Variants in NALF1 observed in about 807,000 individuals in gnomAD.
NALF1 encodes NALCN channel auxiliary factor 1.
Under a neutral mutation model 48.4 loss-of-function variants are expected in NALF1, and 3 were observed. That is an observed-to-expected ratio of 0.06 (90% CI 0.03 to 0.16). The LOEUF (loss-of-function observed/expected upper bound fraction) is 0.16. Ranked by LOEUF, NALF1 falls within the 10% of genes least tolerant of loss-of-function variation. The pLI, the probability that NALF1 is intolerant of heterozygous loss-of-function variation, is 1.00. For synonymous variants in NALF1, 262 were observed against 245.7 expected, an observed-to-expected ratio of 1.07 and a Z score of -0.62; for missense variants, 526 against 571.5, an observed-to-expected ratio of 0.92 and a Z score of 0.81.
At chr13:107,678,225 G>A (rs554384859) in intron 1 of NALF1, among the ~76,000 whole-genome samples, 3 of 152,234 alleles carry the variant, frequency 2.0e-5, no homozygotes, top group African/African-American at 7.2e-5. Flanking sequence ...GAACTCCACA[G>A]ACAGGAGGAC....
At chr13:107,502,048 A>G (rs1875541814) in intron 1 of NALF1, among the ~76,000 whole-genome samples, 1 of 152,182 alleles carries the variant, frequency 6.6e-6, no homozygotes, top group East Asian at 1.9e-4. Flanking sequence ...AGAACAATCT[A>G]TATTTATTGC....
chr13:107,728,156 A>G (rs1016056717), intron 1 of NALF1, among the ~76,000 whole-genome samples: 2 of 152,206 alleles, frequency 1.3e-5, no homozygotes, highest in African/African-American at 4.8e-5. Flanking sequence ...AACCAGAAAT[A>G]CCATTTGACC....
At chr13:107,220,853 G>A (rs1244981633) in intron 1 of NALF1, among the ~76,000 whole-genome samples, 1 of 151,942 alleles carries the variant, frequency 6.6e-6, no homozygotes. Flanking sequence ...GGAGGTTAGT[G>A]TGCTTCTGAT....
intron 1 of NALF1, among the ~76,000 whole-genome samples, chr13:107,790,984 G>C (rs1200973439): frequency 6.6e-6 from 1 of 151,970 alleles, no homozygotes; most frequent in Non-Finnish European, 1.5e-5. Context: ...AGATAATCCT[G>C]GAAGGAGATG....
chr13:107,417,464 A>G (rs1015715712), intron 1 of NALF1, among the ~76,000 whole-genome samples: 6 of 152,322 alleles, frequency 3.9e-5, no homozygotes, highest in African/African-American at 1.4e-4. Context: ...GCAGCTTAAC[A>G]TTTCATTATA....
At chr13:107,463,217 T>C (rs1008189083) in intron 1 of NALF1, among the ~76,000 whole-genome samples, 1 of 152,214 alleles carries the variant, frequency 6.6e-6, no homozygotes, top group Admixed American at 6.5e-5. Flanking sequence ...GGAATTATTA[T>C]CCAACTCTAT....
chr13:107,690,261 G>A (rs1242150313), intron 1 of NALF1, among the ~76,000 whole-genome samples: 2 of 152,184 alleles, frequency 1.3e-5, no homozygotes, highest in African/African-American at 2.4e-5. Flanking sequence ...TAATGCACTC[G>A]AAGCTTCAAA....
intron 1 of NALF1, among the ~76,000 whole-genome samples, chr13:107,780,791 T>A (rs1345703423): frequency 6.6e-6 from 1 of 152,108 alleles, no homozygotes; most frequent in African/African-American, 2.4e-5. Context: ...AGTTTTAATT[T>A]CTGTAAAGTG....
chr13:107,801,939 G>A (rs1036103892), intron 1 of NALF1, among the ~76,000 whole-genome samples: 1 of 152,104 alleles, frequency 6.6e-6, no homozygotes, highest in African/African-American at 2.4e-5. Context: ...TTCTATGACT[G>A]TCTGTGTATC....
At chr13:107,456,982 G>A (rs112613981) in intron 1 of NALF1, among the ~76,000 whole-genome samples, 2,771 of 151,994 alleles carry the variant, frequency 0.018, 37 homozygotes, top group South Asian at 0.036. Context: ...AAAGCTCATG[G>A]GCTTTAAATG....
rs530285096 is a variant in NALF1, at chr13:107,535,480, C to T, written c.916-324725G>A. On this transcript the variant is annotated intron_variant, in intron 1 of 2. Transcript: ENST00000375915. ...ATGAGTGAACTCCCATTCACAATTG[C>T]TTCAAAGAGAATAAAATACCTAGGA... Among the ~76,000 whole-genome samples the T allele has an allele frequency of 2.5e-4, 38 of 152,172 alleles. 1 individual carries two copies. Among genetic ancestry groups the T allele is most frequent in the African/African-American group, 8.9e-4 (37 of 41,524 alleles).
In NALF1 at chr13:107,391,345, G is replaced by A. The variant is rs554311077; in HGVS notation, c.916-180590C>T. 4.6e-5 allele frequency among the ~76,000 whole-genome samples: 7 copies of A among 152,054 alleles called. 1 individual carries two copies. The highest frequency in any genetic ancestry group is 3.4e-3 in the Middle Eastern group (1 of 294). On this transcript the variant is annotated intron_variant, in intron 1 of 2. Coordinates refer to ENST00000375915, the MANE Select transcript of NALF1 (RefSeq NM_001080396.3). ...TGGGTTTTCTTTGACCCTATAAATC[G>A]TGACTTACTTTTCAATCTGACTCTG...
At chr13:107,544,473 T>G (rs1877082023) in intron 1 of NALF1, among the ~76,000 whole-genome samples, 1 of 152,126 alleles carries the variant, frequency 6.6e-6, no homozygotes, top group African/African-American at 2.4e-5. Context: ...TAAACAAAAT[T>G]ATATCTCAGA....
In NALF1 at chr13:107,763,471, CAA is replaced by C. The variant is rs750250035; in HGVS notation, c.915+102209_915+102210del. 8.7e-3 allele frequency among the ~76,000 whole-genome samples: 687 copies of C among 79,136 alleles called. 3 individuals are homozygous for C. Among genetic ancestry groups the C allele is most frequent in the African/African-American group, 0.025 (630 of 25,562 alleles). The allele number at this position is 79,136 out of a possible 152,430, so 51.9% of individuals were successfully genotyped here. A position where few individuals can be genotyped will look rare whatever the true frequency, so the allele number is the denominator to read the frequency against. ...TACCACTGTGTTTCATATTAAAATT[CAA>C]AAAAAAAAAAAAAAAAGGCAAGCCT... On this transcript the variant is annotated intron_variant, in intron 1 of 2. Transcript: ENST00000375915.
intron 1 of NALF1, among the ~76,000 whole-genome samples, chr13:107,494,714 A>G (rs780618477): frequency 2.0e-5 from 3 of 150,334 alleles, no homozygotes; most frequent in Non-Finnish European, 4.4e-5. Context: ...ATAGCATGAC[A>G]GTGTTTCCTA....
chr13:107,746,085 G>T lies in NALF1; in HGVS notation c.915+119597C>A, dbSNP rs1876772534. 5.3e-5 allele frequency among the ~76,000 whole-genome samples: 8 copies of T among 152,212 alleles called. No homozygotes were observed. In the South Asian group the frequency reaches 1.7e-3, roughly 32 times the overall value. On this transcript the variant is annotated intron_variant, in intron 1 of 2. Coordinates refer to ENST00000375915, the MANE Select transcript of NALF1 (RefSeq NM_001080396.3). ...CTTCTACCCTAATTCAGCTTCCCCTGGGAGAAATATTTGCCAAAGCAAGCA... is the reference window on the plus strand; with the variant it reads ...CTTCTACCCTAATTCAGCTTCCCCTTGGAGAAATATTTGCCAAAGCAAGCA...
intron 1 of NALF1, among the ~76,000 whole-genome samples, chr13:107,658,767 C>T (rs1880650997): frequency 6.6e-6 from 1 of 152,044 alleles, no homozygotes; most frequent in South Asian, 2.1e-4. Flanking sequence ...CACTTCTTAC[C>T]AGTGTTATTA....
In NALF1 at chr13:107,170,767, T is replaced by C. The variant is rs756342382; in HGVS notation, c.1107A>G (p.Leu369=). The change falls in exon 3 of 3, where the codon CTA becomes CTG. Residue 369 remains leucine, a synonymous_variant. Coordinates refer to ENST00000375915, the MANE Select transcript of NALF1 (RefSeq NM_001080396.3). The part of the protein sequence containing the change: ...FICTGLYETF[L]TNDEPECCDV... Reference sequence around the variant, plus strand: ...CACAGCATTCTGGTTCATCATTGGTTAGAAAGGTTTCATAAAGCCCTGTAG... The same window carrying C: ...CACAGCATTCTGGTTCATCATTGGTCAGAAAGGTTTCATAAAGCCCTGTAG... The C allele has an allele frequency of 1.9e-6, 3 of 1,614,064 alleles. No individual in the cohort carries two copies. Among genetic ancestry groups the C allele is most frequent in the East Asian group, 2.2e-5 (1 of 44,892 alleles).
chr13:107,866,358 TGCTGCTGCC>T lies in NALF1; in HGVS notation c.230_238del (p.Arg77_Gln79del), dbSNP rs764534910. ...CTGCCTCTGCTGCTGCTGCTGCTGC[TGCTGCTGCC>T]GCTGCTGCTGCTGGTGCTCCTTGTC... On this transcript the variant is annotated inframe_deletion, in exon 1 of 3. Coordinates refer to ENST00000375915, the MANE Select transcript of NALF1 (RefSeq NM_001080396.3). The surrounding 1 kb of genome is among the most constrained non-coding windows in gnomAD (Gnocchi z 4.4). 19,626 of 1,610,692 alleles carry T rather than the reference TGCTGCTGCC, an allele frequency of 0.012. 113 individuals are homozygous for T. The highest frequency in any genetic ancestry group is 0.015 in the Non-Finnish European group (17,534 of 1,179,074).
Sources: gnomAD v4.1 joint callset for allele counts (sites outside exome capture counted in the v4.1 genomes callset) on GRCh38, gnomAD v4.1.1 for gene constraint, Gnocchi (gnomAD v3.1) non-coding constraint, MANE v1.5 for transcripts, NCBI Gene and HGNC (gene_info 2026-07-23, HGNC 2026-07-21) for gene names.